The following CNGB3 variants were observed in gnomAD, a reference collection of about 807,000 sequenced individuals.
CNGB3 encodes the protein cyclic nucleotide-gated channel beta-3.
In CNGB3, 86 loss-of-function variants were observed where a neutral mutation model predicts 92.8. The ratio of observed to expected loss-of-function variants is 0.93; its 90% CI spans 0.78 to 1.11. The LOEUF (loss-of-function observed/expected upper bound fraction) is 1.11. Ranked by LOEUF, CNGB3 falls within the 50% of genes least tolerant of loss-of-function variation. CNGB3 has a pLI of 0.00. For synonymous variants in CNGB3, 333 were observed against 332.7 expected, an observed-to-expected ratio of 1.00 and a Z score of -0.01; for missense variants, 1,026 against 956.8, an observed-to-expected ratio of 1.07 and a Z score of -0.95.
intron 3 of CNGB3, among the ~76,000 whole-genome samples, chr8:86,723,561 T>G (rs1825009847): frequency 6.6e-6 from 1 of 152,210 alleles, no homozygotes; most frequent in African/African-American, 2.4e-5. Flanking sequence ...GGATTCTAGA[T>G]ATGGTAACTG....
At chr8:86,685,950 A>G (rs1299770552) in intron 3 of CNGB3, among the ~76,000 whole-genome samples, 2 of 145,978 alleles carry the variant, frequency 1.4e-5, no homozygotes, top group Non-Finnish European at 3.0e-5. Context: ...AAACTGAATG[A>G]CACAAACTTA....
At chr8:86,716,392 CAA>C (rs920919407) in intron 3 of CNGB3, among the ~76,000 whole-genome samples, 4 of 152,246 alleles carry the variant, frequency 2.6e-5, no homozygotes, top group South Asian at 4.1e-4. Flanking sequence ...AAATTCATCA[CAA>C]AAATATCATC....
chr8:86,659,035 A>ATAGC, intron 6 of CNGB3: 1 of 976,644 alleles, frequency 1.0e-6, no homozygotes, highest in Non-Finnish European at 1.6e-6. Context: ...GCCTCCACTT[A>ATAGC]TAGCTGCTGC....
chr8:86,728,440 T>A (rs1255519590), intron 2 of CNGB3, among the ~76,000 whole-genome samples: 2 of 152,216 alleles, frequency 1.3e-5, no homozygotes, highest in Non-Finnish European at 2.9e-5. Flanking sequence ...CTTATGTGTT[T>A]GGGTCAAGTC....
At chr8:86,694,098 C>T (rs866206418) in intron 3 of CNGB3, among the ~76,000 whole-genome samples, 1,896 of 88,304 alleles carry the variant, frequency 0.021, 24 homozygotes, top group East Asian at 0.037. Context: ...ACCTCCCTCC[C>T]AGACGGGGCG....
chr8:86,693,489 G>A (rs562625526), intron 3 of CNGB3, among the ~76,000 whole-genome samples: 24 of 146,870 alleles, frequency 1.6e-4, no homozygotes, highest in African/African-American at 5.5e-4. Flanking sequence ...GGTGTTTCTC[G>A]CAGAGGGGGA....
chr8:86,599,161 C>T (rs1229721458), intron 15 of CNGB3, among the ~76,000 whole-genome samples: 5 of 152,192 alleles, frequency 3.3e-5, no homozygotes, highest in African/African-American at 9.6e-5. Flanking sequence ...CAAATTAATA[C>T]TTTTATAATT....
At position 86,601,902 on chromosome 8, in the gene CNGB3, G is replaced by T. The variant is rs115834326; in HGVS notation, c.1781+2191C>A. Among the ~76,000 whole-genome samples, 1,499 of 152,288 alleles carry T rather than the reference G, an allele frequency of 9.8e-3. 23 individuals carry two copies. Among genetic ancestry groups the T allele is most frequent in the African/African-American group, 0.034 (1,413 of 41,552 alleles). On this transcript the variant is annotated intron_variant, in intron 15 of 17. Transcript: ENST00000320005. ...GCCTTAGAAACCAAATGGGTAATAG[G>T]AGATTTATTTGAGAAGCTGCTGTCA...
At chr8:86,590,985 C>T (rs1283028082) in intron 15 of CNGB3, among the ~76,000 whole-genome samples, 8 of 152,190 alleles carry the variant, frequency 5.3e-5, no homozygotes, top group Non-Finnish European at 1.2e-4. Context: ...ACCAATCAGA[C>T]GTAGATTTGG....
At chr8:86,608,993 C>T (rs1446353584) in intron 14 of CNGB3, among the ~76,000 whole-genome samples, 2 of 152,142 alleles carry the variant, frequency 1.3e-5, no homozygotes, top group Admixed American at 6.5e-5. Context: ...CTCTCATCGC[C>T]GCACACAGGG....
intron 3 of CNGB3, among the ~76,000 whole-genome samples, chr8:86,695,543 T>C (rs1312885205): frequency 1.3e-5 from 2 of 152,152 alleles, no homozygotes. Context: ...TCTATCTTTC[T>C]ATGGAATTTT....
At chr8:86,682,588 T>A (rs1249372974) in intron 3 of CNGB3, among the ~76,000 whole-genome samples, 1 of 152,140 alleles carries the variant, frequency 6.6e-6, no homozygotes, top group East Asian at 1.9e-4. Flanking sequence ...CAGAAGTACA[T>A]GATGCAGAGA....
intron 15 of CNGB3, chr8:86,594,451 C>T: frequency 3.5e-6 from 1 of 284,490 alleles, no homozygotes; most frequent in Non-Finnish European, 6.9e-6. Context: ...TGTTCATGAG[C>T]TTGTCGGTGG....
chr8:86,632,915 A>G lies in CNGB3; in HGVS notation c.1179-22T>C, dbSNP rs374469122. The G allele has an allele frequency of 2.0e-5, 32 of 1,602,956 alleles. No homozygotes were observed. In the East Asian group the frequency reaches 2.2e-4, roughly 11 times the overall value. ...ATACCTGTGAAAACAGAAGATATAC[A>G]TTTTGCTTTTTTTCTATATCATCGA... is the stretch of plus-strand genomic sequence containing the variant. On this transcript the variant is annotated intron_variant, in intron 10 of 17. Transcript: ENST00000320005.
At chr8:86,680,382 T>C (rs1563752271) in intron 3 of CNGB3, among the ~76,000 whole-genome samples, 1 of 152,170 alleles carries the variant, frequency 6.6e-6, no homozygotes, top group Non-Finnish European at 1.5e-5. Context: ...AAAACCATCA[T>C]TCAAAACAGT....
intron 14 of CNGB3, among the ~76,000 whole-genome samples, chr8:86,608,213 G>C (rs536858366): frequency 1.3e-5 from 2 of 152,216 alleles, no homozygotes; most frequent in South Asian, 4.1e-4. Flanking sequence ...AATAATCCTC[G>C]CTCTATAATC....
chr8:86,720,837 T>C (rs62525703), intron 3 of CNGB3, among the ~76,000 whole-genome samples: 2,188 of 32,442 alleles, frequency 0.067, 40 homozygotes, highest in African/African-American at 0.23. Context: ...TATATATATG[T>C]ATACACACAC....
chr8:86,687,920 C>T (rs572628681), intron 3 of CNGB3, among the ~76,000 whole-genome samples: 82 of 151,980 alleles, frequency 5.4e-4, no homozygotes, highest in African/African-American at 1.8e-3. Flanking sequence ...AGGTAAATCA[C>T]GTTACTTATT....
intron 17 of CNGB3, among the ~76,000 whole-genome samples, 192 bp from the exon 18 acceptor site, chr8:86,576,322 G>T (rs930753268): frequency 1.3e-5 from 2 of 152,010 alleles, no homozygotes; most frequent in Non-Finnish European, 2.9e-5. Context: ...GAATGGACTT[G>T]TTGCCTTTGA....
Sources: allele counts gnomAD v4.1 joint callset (sites outside exome capture counted in the v4.1 genomes callset), GRCh38; gene constraint gnomAD v4.1.1; transcripts MANE v1.5; gene names NCBI Gene and HGNC (gene_info 2026-07-23, HGNC 2026-07-21).